Variants in ZNF385D observed in about 807,000 individuals in gnomAD.
The protein encoded by ZNF385D is zinc finger protein 659.
ZNF385D carries 15 observed loss-of-function variants against 35.8 expected under a neutral mutation model. That is an observed-to-expected ratio of 0.42 (90% CI 0.28 to 0.64). The LOEUF (loss-of-function observed/expected upper bound fraction) is 0.64. Among genes scored for constraint, ZNF385D ranks in the 30% least tolerant of loss-of-function variants. The pLI, the probability that ZNF385D is intolerant of heterozygous loss-of-function variation, is 0.23. For synonymous variants in ZNF385D, 212 were observed against 186.8 expected, an observed-to-expected ratio of 1.13 and a Z score of -1.10; for missense variants, 474 against 494.6, an observed-to-expected ratio of 0.96 and a Z score of 0.39.
intron 3 of ZNF385D, among the ~76,000 whole-genome samples, chr3:22,034,304 C>T (rs948882917): frequency 6.6e-6 from 1 of 152,132 alleles, no homozygotes; most frequent in African/African-American, 2.4e-5. Flanking sequence ...GAAGACAAAA[C>T]AAGAAGCTGG....
At chr3:21,962,452 C>T (rs1484969442) in intron 3 of ZNF385D, among the ~76,000 whole-genome samples, 1 of 152,182 alleles carries the variant, frequency 6.6e-6, no homozygotes, top group South Asian at 2.1e-4. Flanking sequence ...GCCTGCAAGG[C>T]ATCATAGCAG....
chr3:21,816,907 G>A (rs1008672412), intron 3 of ZNF385D, among the ~76,000 whole-genome samples: 2 of 152,094 alleles, frequency 1.3e-5, no homozygotes, highest in African/African-American at 2.4e-5. Flanking sequence ...CAAAGCTGGA[G>A]GCATCACACT....
chr3:22,093,608 A>C (rs1031473224), intron 3 of ZNF385D, among the ~76,000 whole-genome samples: 1 of 152,112 alleles, frequency 6.6e-6, no homozygotes, highest in Non-Finnish European at 1.5e-5. Flanking sequence ...ACGAGTTGAC[A>C]ACCTACTATA....
intron 2 of ZNF385D, among the ~76,000 whole-genome samples, chr3:22,300,705 C>A (rs990575159): frequency 6.6e-6 from 1 of 151,924 alleles, no homozygotes; most frequent in Non-Finnish European, 1.5e-5. Context: ...TATCACTAAT[C>A]ACTTGTGAAA....
rs929909667 is a variant in ZNF385D, at chr3:22,180,239, G to T, written c.107-11204C>A. Among the ~76,000 whole-genome samples the T allele has an allele frequency of 9.2e-5, 14 of 152,178 alleles. 1 individual carries two copies. Among genetic ancestry groups the T allele is most frequent in the Admixed American group, 9.2e-4 (14 of 15,276 alleles). On this transcript the variant is annotated intron_variant, in intron 2 of 5. Coordinates refer to the ZNF385D transcript ENST00000494108. ...CACCCTCCGAAGACTAAACCAGGAA[G>T]AAGTTGAATCTCTGAATAGACCAAT... is the stretch of plus-strand genomic sequence containing the variant.
Position 21,417,056 on chromosome 3 carries a change from A to G in ZNF385D, c.*4158T>C, listed in dbSNP as rs1700572971. 1 of 152,104 alleles carries G rather than the reference A, an allele frequency of 6.6e-6. No individual in the cohort carries two copies. Among genetic ancestry groups the G allele is most frequent in the African/African-American group, 2.4e-5 (1 of 41,420 alleles). The allele number at this position is 152,104 out of a possible 1,614,324, so 9.4% of individuals were successfully genotyped here. A position where few individuals can be genotyped will look rare whatever the true frequency, so the allele number is the denominator to read the frequency against. ...TAAGTGAATTAGCAACTACTCCAAT[A>G]TTGGTGAAATGTACATTCTGGTTGA... On this transcript the variant is annotated 3_prime_UTR_variant, in exon 8 of 8. Transcript: ENST00000281523.
intron 3 of ZNF385D, among the ~76,000 whole-genome samples, chr3:22,016,414 G>C (rs1696890013): frequency 6.6e-6 from 1 of 152,108 alleles, no homozygotes; most frequent in South Asian, 2.1e-4. Flanking sequence ...ATCCCACGAT[G>C]ACAGGCAAAT....
chr3:22,039,305 G>A (rs898079482), intron 3 of ZNF385D, among the ~76,000 whole-genome samples: 10 of 150,768 alleles, frequency 6.6e-5, no homozygotes, highest in Non-Finnish European at 1.3e-4. Context: ...CATTGTTAGG[G>A]GCAGATGGCA....
intron 3 of ZNF385D, among the ~76,000 whole-genome samples, chr3:21,760,402 T>C (rs908129467): frequency 9.8e-5 from 15 of 152,318 alleles, no homozygotes; most frequent in African/African-American, 3.6e-4. Context: ...TCTGTACTGG[T>C]AATGCTACCC....
At chr3:21,731,806 T>C (rs1559561551) in intron 1 of ZNF385D, among the ~76,000 whole-genome samples, 1 of 152,170 alleles carries the variant, frequency 6.6e-6, no homozygotes, top group African/African-American at 2.4e-5. Context: ...TAGTACAGTA[T>C]GCAGCCTTTT....
intron 1 of ZNF385D, among the ~76,000 whole-genome samples, chr3:21,704,663 C>T (rs973490793): frequency 6.6e-6 from 1 of 151,920 alleles, no homozygotes; most frequent in African/African-American, 2.4e-5. Flanking sequence ...CATGCACCAC[C>T]AGGCCCAGCT....
chr3:21,597,249 A>G (rs1293761406), intron 2 of ZNF385D, among the ~76,000 whole-genome samples: 3 of 152,128 alleles, frequency 2.0e-5, no homozygotes, highest in Non-Finnish European at 4.4e-5. Context: ...ATTTTCAAGT[A>G]GTATTATCAT....
intron 3 of ZNF385D, among the ~76,000 whole-genome samples, chr3:21,968,414 T>C (rs957843884): frequency 2.0e-5 from 3 of 152,014 alleles, no homozygotes; most frequent in Non-Finnish European, 2.9e-5. Context: ...ACACATGACC[T>C]AGTGAGACAT....
intron 2 of ZNF385D, among the ~76,000 whole-genome samples, chr3:21,652,026 T>C (rs2065931533): frequency 1.3e-5 from 2 of 152,192 alleles, no homozygotes; most frequent in African/African-American, 4.8e-5. Flanking sequence ...TTAGAATTGA[T>C]ACTCATATAA....
At chr3:22,347,679 G>A (rs1405131537) in intron 2 of ZNF385D, among the ~76,000 whole-genome samples, 1 of 152,074 alleles carries the variant, frequency 6.6e-6, no homozygotes, top group African/African-American at 2.4e-5. Flanking sequence ...TGATATGACT[G>A]TTTCACTTTA....
At chr3:21,835,241 T>G (rs930529940) in intron 3 of ZNF385D, among the ~76,000 whole-genome samples, 1 of 89,708 alleles carries the variant, frequency 1.1e-5, no homozygotes, top group South Asian at 4.9e-4. Flanking sequence ...AGGCTATGTA[T>G]AGTTTGCTTA....
intron 3 of ZNF385D, among the ~76,000 whole-genome samples, chr3:21,821,407 C>A (rs577298111): frequency 1.3e-5 from 2 of 152,114 alleles, no homozygotes; most frequent in South Asian, 4.2e-4. Flanking sequence ...ATACTCCCAC[C>A]TAATAAAAGT....
At chr3:21,775,819 G>A (rs917132090) in intron 3 of ZNF385D, among the ~76,000 whole-genome samples, 1 of 151,538 alleles carries the variant, frequency 6.6e-6, no homozygotes. Flanking sequence ...TTTCTTTCTA[G>A]AGCTCATTTG....
At chr3:21,956,697 G>GT (rs139835458) in intron 3 of ZNF385D, among the ~76,000 whole-genome samples, 4,573 of 151,880 alleles carry the variant, frequency 0.03, 239 homozygotes, top group African/African-American at 0.1. Flanking sequence ...CGTCATTGGA[G>GT]TAAGTGTTAT....
Sources: gnomAD v4.1 joint callset for allele counts (sites outside exome capture counted in the v4.1 genomes callset) on GRCh38, gnomAD v4.1.1 for gene constraint, MANE v1.5 for transcripts, NCBI Gene and HGNC (gene_info 2026-07-23, HGNC 2026-07-21) for gene names.